The following SLIT2 variants were observed in gnomAD, a reference collection of about 807,000 sequenced individuals.
SLIT2 encodes the protein slit guidance ligand 2.
Under a neutral mutation model 185.7 loss-of-function variants are expected in SLIT2, and 41 were observed. The observed-to-expected ratio is 0.22, with a 90% CI of 0.17 to 0.29. The LOEUF (loss-of-function observed/expected upper bound fraction) is 0.29. Ranked by LOEUF, SLIT2 falls within the 10% of genes least tolerant of loss-of-function variation. The probability of loss-of-function intolerance (pLI) is 1.00; values close to 1 mark genes in which losing one functional copy is unlikely to be tolerated. For synonymous variants in SLIT2, 693 were observed against 680.2 expected (o/e 1.02, Z -0.29); for missense variants, 1,571 against 1,909.0 (o/e 0.82, Z 3.30).
intron 4 of SLIT2, among the ~76,000 whole-genome samples, chr4:20,379,437 G>A (rs1724309158): frequency 6.6e-6 from 1 of 152,020 alleles, no homozygotes; most frequent in South Asian, 2.1e-4. Context: ...AACTATTAAT[G>A]ATAGTAAGTG....
At chr4:20,403,260 C>T (rs955972168) in intron 4 of SLIT2, among the ~76,000 whole-genome samples, 1 of 151,864 alleles carries the variant, frequency 6.6e-6, no homozygotes, top group African/African-American at 2.4e-5. Context: ...TATAATAAGG[C>T]AATGCTGCTT....
intron 3 of SLIT2, among the ~76,000 whole-genome samples, chr4:20,260,383 A>G (rs1712326165): frequency 6.6e-6 from 1 of 151,890 alleles, no homozygotes. Context: ...TGAAAAAAGT[A>G]TAAAATTAGG....
intron 30 of SLIT2, among the ~76,000 whole-genome samples, chr4:20,591,224 A>G (rs1390287572): frequency 6.6e-6 from 1 of 152,148 alleles, no homozygotes; most frequent in African/African-American, 2.4e-5. Flanking sequence ...GGAATTAACA[A>G]TTACACAGGT....
rs945088549 is a variant in SLIT2, at chr4:20,568,184, T to A, written c.2948+569T>A. Among the ~76,000 whole-genome samples the A allele has an allele frequency of 5.9e-4, 89 of 152,106 alleles. 1 individual carries two copies. Among genetic ancestry groups the A allele is most frequent in the African/African-American group, 2.1e-3 (87 of 41,434 alleles). ...ATTAAATGACACTAATAATGTCACATAAGAATGCTAATATACTACTAAAAC... is the reference window on the plus strand; with the variant it reads ...ATTAAATGACACTAATAATGTCACAAAAGAATGCTAATATACTACTAAAAC... On this transcript the variant is annotated intron_variant, in intron 28 of 36. Coordinates refer to ENST00000504154, the MANE Select transcript of SLIT2 (RefSeq NM_004787.4).
At chr4:20,408,256 A>G (rs542820627) in intron 4 of SLIT2, among the ~76,000 whole-genome samples, 1 of 152,348 alleles carries the variant, frequency 6.6e-6, no homozygotes, top group Non-Finnish European at 1.5e-5. Context: ...ACCAGATGAT[A>G]GGAGAAAGAA....
intron 4 of SLIT2, among the ~76,000 whole-genome samples, chr4:20,411,905 C>T (rs779105763): frequency 6.6e-6 from 1 of 152,074 alleles, no homozygotes; most frequent in East Asian, 1.9e-4. Flanking sequence ...AGAGGACAGC[C>T]GCATAAGAGG....
chr4:20,531,878 T>C, intron 16 of SLIT2, 106 bp from the exon 17 acceptor site: 1 of 623,662 alleles, frequency 1.6e-6, no homozygotes, highest in South Asian at 2.1e-5. Flanking sequence ...TTCCTTTTAT[T>C]TTCCTGGTAT....
chr4:20,273,257 GA>G (rs879652853), intron 4 of SLIT2, among the ~76,000 whole-genome samples: 6 of 150,694 alleles, frequency 4.0e-5, no homozygotes, highest in Admixed American at 1.3e-4. Context: ...AGGAAATTCA[GA>G]AAAAAATAGA....
chr4:20,345,514 T>C (rs1721315127), intron 4 of SLIT2, among the ~76,000 whole-genome samples: 1 of 151,502 alleles, frequency 6.6e-6, no homozygotes. Context: ...TTTTTTCTTT[T>C]TCTTTTTCTT....
intron 4 of SLIT2, among the ~76,000 whole-genome samples, chr4:20,345,542 TTC>T (rs1370578822): frequency 0.033 from 4,795 of 144,556 alleles, 277 homozygotes; most frequent in African/African-American, 0.09. Flanking sequence ...TTTTTCTTTT[TTC>T]TTTTTTTTTG....
intron 4 of SLIT2, among the ~76,000 whole-genome samples, chr4:20,288,176 A>T (rs1483676087): frequency 1.3e-5 from 2 of 152,288 alleles, no homozygotes; most frequent in South Asian, 2.1e-4. Context: ...CTGGGAATTT[A>T]AAAAAACAGT....
intron 3 of SLIT2, among the ~76,000 whole-genome samples, chr4:20,267,074 T>C (rs574908875): frequency 6.6e-6 from 1 of 152,024 alleles, no homozygotes; most frequent in Non-Finnish European, 1.5e-5. Context: ...CCAAGAGTGG[T>C]TGCATTCCTA....
chr4:20,325,411 A>T (rs9995199), intron 4 of SLIT2, among the ~76,000 whole-genome samples: 1 of 113,288 alleles, frequency 8.8e-6, no homozygotes, highest in African/African-American at 3.6e-5. Context: ...GGTCAGGGGT[A>T]GGGTGGGGGT....
intron 29 of SLIT2, among the ~76,000 whole-genome samples, chr4:20,571,107 A>G (rs1725567412): frequency 1.3e-5 from 2 of 152,104 alleles, no homozygotes; most frequent in South Asian, 4.2e-4. Flanking sequence ...CATATCATAA[A>G]TACCTAAAGC....
intron 4 of SLIT2, among the ~76,000 whole-genome samples, chr4:20,377,098 T>C (rs1400760851): frequency 6.6e-6 from 1 of 152,112 alleles, no homozygotes; most frequent in Non-Finnish European, 1.5e-5. Context: ...TCAAGAAATA[T>C]GTGTTAAATG....
At position 20,484,083 on chromosome 4, in the gene SLIT2, GT is replaced by G. The variant is rs1716972306; in HGVS notation, c.540-2112del. ...AAAAGACTTCAAATTGATAACTGAA[GT>G]TTTTGGCATTCAATGAAAGTTTTCC... On this transcript the variant is annotated intron_variant, in intron 6 of 36. Transcript: ENST00000504154. The surrounding 1 kb of genome is among the most constrained non-coding windows in gnomAD (Gnocchi z 4.3). Among the ~76,000 whole-genome samples the G allele has an allele frequency of 1.3e-5, 2 of 151,974 alleles. No homozygotes were observed. Among genetic ancestry groups the G allele is most frequent in the African/African-American group, 4.8e-5 (2 of 41,418 alleles).
At chr4:20,516,577 T>G (rs1232590642) in intron 11 of SLIT2, among the ~76,000 whole-genome samples, 1 of 152,204 alleles carries the variant, frequency 6.6e-6, no homozygotes, top group Non-Finnish European at 1.5e-5. Flanking sequence ...TCTCTTAGTT[T>G]ATATCTTTAT....
chr4:20,415,866 A>T (rs1244107216), intron 4 of SLIT2, among the ~76,000 whole-genome samples: 1 of 152,238 alleles, frequency 6.6e-6, no homozygotes, highest in Non-Finnish European at 1.5e-5. Flanking sequence ...TATCAAAGAT[A>T]CATAAAATTA....
At chr4:20,258,799 A>G (rs903295277) in intron 3 of SLIT2, among the ~76,000 whole-genome samples, 9 of 151,760 alleles carry the variant, frequency 5.9e-5, no homozygotes, top group Admixed American at 4.6e-4. Context: ...AGTAAAAGAA[A>G]CAACAATTAT....
Sources: allele counts gnomAD v4.1 joint callset (sites outside exome capture counted in the v4.1 genomes callset), GRCh38; gene constraint gnomAD v4.1.1; non-coding constraint Gnocchi (gnomAD v3.1); transcripts MANE v1.5; gene names NCBI Gene and HGNC (gene_info 2026-07-23, HGNC 2026-07-21).